The following FAAH2 variants were observed in gnomAD, a reference collection of about 807,000 sequenced individuals.
The protein encoded by FAAH2 is fatty acid amide hydrolase 2.
Under a neutral mutation model 36.9 loss-of-function variants are expected in FAAH2, and 60 were observed. The observed-to-expected ratio is 1.63, with a 90% CI of 1.32 to 2.02. The LOEUF is 2.02. Ranked by LOEUF, FAAH2 falls within the 30% of genes most tolerant of loss-of-function variation. The probability of loss-of-function intolerance (pLI) is 0.00; values close to 1 mark genes in which losing one functional copy is unlikely to be tolerated. For synonymous variants in FAAH2, 214 were observed against 143.8 expected (o/e 1.49, Z -3.49); for missense variants, 689 against 397.5 (o/e 1.73, Z -6.23).
At chrX:57,203,346 A>C in the FAAH2 span, among the ~76,000 whole-genome samples, 11 of 112,365 alleles carry the variant, frequency 9.8e-5, no homozygotes, top group African/African-American at 3.6e-4. Flanking sequence ...TGGTTCAGGA[A>C]CACTTTTAAG....
At chrX:57,469,386 A>G (rs1485366385) in intron 10 of FAAH2, among the ~76,000 whole-genome samples, 1 of 111,773 alleles carries the variant, frequency 8.9e-6, no homozygotes, top group African/African-American at 3.3e-5. Flanking sequence ...TTGGCTCAAA[A>G]TAAAGGGATG....
the FAAH2 span, among the ~76,000 whole-genome samples, chrX:57,221,795 C>T: frequency 1.3e-4 from 14 of 110,296 alleles, no homozygotes; most frequent in Non-Finnish European, 1.9e-4. Context: ...GGAATACCCC[C>T]GACACCCACC....
intron 5 of FAAH2, among the ~76,000 whole-genome samples, chrX:57,355,494 A>G (rs2054136493): frequency 1.8e-5 from 2 of 111,170 alleles, no homozygotes; most frequent in Admixed American, 9.6e-5. Flanking sequence ...GTAGTTTTCA[A>G]TGTACAAATA....
At chrX:57,332,476 A>G (rs1222985645) in intron 4 of FAAH2, among the ~76,000 whole-genome samples, 2 of 112,145 alleles carry the variant, frequency 1.8e-5, no homozygotes, top group Non-Finnish European at 3.8e-5. Context: ...GTAACGGGAA[A>G]ACCACTCTTC....
At chrX:57,300,518 C>T (rs1424635045) in intron 2 of FAAH2, among the ~76,000 whole-genome samples, 1 of 111,696 alleles carries the variant, frequency 9.0e-6, no homozygotes, top group Non-Finnish European at 1.9e-5. Context: ...AGAAGAAAAC[C>T]TGGGCAATAC....
rs953181896 is a variant in FAAH2 at position 57,451,552 on chromosome X, T to C, written c.1423+2834T>C. 2.7e-5 allele frequency among the ~76,000 whole-genome samples: 3 copies of C among 110,952 alleles called. No individual in the cohort carries two copies. In the Admixed American group the frequency reaches 2.9e-4, roughly 11 times the overall value. On this transcript the variant is annotated intron_variant, in intron 10 of 10. Coordinates refer to ENST00000374900, the MANE Select transcript of FAAH2 (RefSeq NM_174912.4). ...TGGAATAGGTGACCCCTGATCTGGGTCCTGAAGGAGAACTAGAAATTAATC... is the reference window on the plus strand; with the variant it reads ...TGGAATAGGTGACCCCTGATCTGGGCCCTGAAGGAGAACTAGAAATTAATC...
intron 2 of FAAH2, 136 bp downstream of exon 2, chrX:57,292,716 C>A (rs1421687913): frequency 4.5e-6 from 2 of 445,430 alleles, no homozygotes; most frequent in Non-Finnish European, 7.3e-6. Flanking sequence ...ACTTCTCTGA[C>A]TTCTAATTTC....
the FAAH2 span, among the ~76,000 whole-genome samples, chrX:57,182,642 A>G: frequency 5.4e-4 from 60 of 111,072 alleles, no homozygotes; most frequent in Non-Finnish European, 9.6e-4. Context: ...GTGCGGCACA[A>G]CTCCTCAAAG....
the FAAH2 span, among the ~76,000 whole-genome samples, chrX:57,265,329 T>A: frequency 8.9e-6 from 1 of 111,762 alleles, no homozygotes; most frequent in Non-Finnish European, 1.9e-5. Context: ...GGGGCCAAGC[T>A]GCAATGGTCT....
At chrX:57,300,151 C>G (rs1389205103) in intron 2 of FAAH2, among the ~76,000 whole-genome samples, 1 of 111,511 alleles carries the variant, frequency 9.0e-6, no homozygotes, top group African/African-American at 3.3e-5. Flanking sequence ...ATTGCCAAGT[C>G]AATCCTAAGC....
At chrX:57,254,123 C>A in the FAAH2 span, among the ~76,000 whole-genome samples, 1 of 110,293 alleles carries the variant, frequency 9.1e-6, no homozygotes, top group Non-Finnish European at 1.9e-5. Context: ...GCAAGGGGTG[C>A]AATCCTGGTC....
At chrX:57,474,908 TATCTC>T (rs1300563633) in intron 10 of FAAH2, among the ~76,000 whole-genome samples, 1 of 111,873 alleles carries the variant, frequency 8.9e-6, no homozygotes, top group African/African-American at 3.2e-5. Context: ...CGTGAGATGG[TATCTC>T]ATTGTGGTTT....
At chrX:57,148,593 T>C in the FAAH2 span, among the ~76,000 whole-genome samples, 1 of 111,826 alleles carries the variant, frequency 8.9e-6, no homozygotes, top group Middle Eastern at 4.2e-3. Flanking sequence ...ATGCTTGTGA[T>C]TTTTGTACAT....
chrX:57,187,633 T>G, the FAAH2 span, among the ~76,000 whole-genome samples: 1 of 111,521 alleles, frequency 9.0e-6, no homozygotes, highest in Non-Finnish European at 1.9e-5. Context: ...AGGGCGTCCT[T>G]ATCTTGTGAT....
chrX:57,266,362 G>A, the FAAH2 span, among the ~76,000 whole-genome samples: 56 of 111,483 alleles, frequency 5.0e-4, 1 homozygote, highest in African/African-American at 1.1e-3. Context: ...CATACCCAGC[G>A]ACCCTATGGA....
the FAAH2 span, among the ~76,000 whole-genome samples, chrX:57,260,081 ATGTT>A: frequency 5.4e-5 from 6 of 111,903 alleles, no homozygotes; most frequent in Admixed American, 5.7e-4. Flanking sequence ...AATCATTGAT[ATGTT>A]TAAGGATTTT....
chrX:57,469,425 C>T (rs1383314673), intron 10 of FAAH2, among the ~76,000 whole-genome samples: 2 of 110,557 alleles, frequency 1.8e-5, no homozygotes, highest in Non-Finnish European at 3.8e-5. Flanking sequence ...AAATGGAAAA[C>T]AAAAAAAGGC....
At chrX:57,147,382 T>C in the FAAH2 span, among the ~76,000 whole-genome samples, 1 of 112,007 alleles carries the variant, frequency 8.9e-6, no homozygotes, top group Non-Finnish European at 1.9e-5. Context: ...CTTTTGTATT[T>C]CTGTGGTGTC....
At chrX:57,395,587 G>A (rs1279414664) in intron 7 of FAAH2, among the ~76,000 whole-genome samples, 1 of 111,848 alleles carries the variant, frequency 8.9e-6, no homozygotes. Flanking sequence ...AGAAATGTTG[G>A]ATTTTATCAA....
Sources: gnomAD v4.1 joint callset for allele counts (sites outside exome capture counted in the v4.1 genomes callset) on GRCh38, gnomAD v4.1.1 for gene constraint, MANE v1.5 for transcripts, NCBI Gene and HGNC (gene_info 2026-07-23, HGNC 2026-07-21) for gene names.